Variants in EML5 observed in about 807,000 individuals in gnomAD.
EML5 encodes EMAP like 5.
In EML5, 120 loss-of-function variants were observed where a neutral mutation model predicts 250.0. That is an observed-to-expected ratio of 0.48 (90% CI 0.41 to 0.56). The LOEUF (loss-of-function observed/expected upper bound fraction) is 0.56, where lower values mean the gene tolerates loss of function less well. Ranked by LOEUF, EML5 falls within the 20% of genes least tolerant of loss-of-function variation. EML5 has a pLI of 0.00. For missense variants in EML5, 2,006 were observed against 2,437.6 expected (o/e 0.82, Z 3.73); for synonymous variants, 771 against 806.5 (o/e 0.96, Z 0.75).
chr14:88,694,514 C>T (rs12888683), intron 16 of EML5, 107 bp from the exon 17 acceptor site: 2 of 751,634 alleles, frequency 2.7e-6, no homozygotes, highest in South Asian at 1.9e-5. Flanking sequence ...GAATATTTTA[C>T]TCCCACTTAT....
At chr14:88,648,087 GT>G (rs918614856) in intron 28 of EML5, among the ~76,000 whole-genome samples, 2 of 151,890 alleles carry the variant, frequency 1.3e-5, no homozygotes, top group Admixed American at 6.6e-5. Flanking sequence ...TCTTTAAAAA[GT>G]TTTTTTTCTC....
intron 31 of EML5, among the ~76,000 whole-genome samples, chr14:88,640,346 T>A (rs1292207416): frequency 6.6e-6 from 1 of 152,164 alleles, no homozygotes; most frequent in African/African-American, 2.4e-5. Context: ...TGAAATCATC[T>A]CTGCCATACT....
At chr14:88,637,418 C>T (rs1310198001) in intron 32 of EML5, among the ~76,000 whole-genome samples, 1 of 152,100 alleles carries the variant, frequency 6.6e-6, no homozygotes, top group Non-Finnish European at 1.5e-5. Context: ...GTGACCATGA[C>T]ATTTCTTAAC....
chr14:88,651,226 C>T (rs1194076215), intron 27 of EML5, among the ~76,000 whole-genome samples: 3 of 145,172 alleles, frequency 2.1e-5, no homozygotes, highest in African/African-American at 7.7e-5. Flanking sequence ...AACAGACCCT[C>T]TCTCTCCCTC....
chr14:88,665,707 G>C (rs544784529), intron 21 of EML5, among the ~76,000 whole-genome samples: 1 of 152,124 alleles, frequency 6.6e-6, no homozygotes, highest in Non-Finnish European at 1.5e-5. Flanking sequence ...AAGGAGAAGG[G>C]GCGAGGGGGA....
chr14:88,614,505 C>T lies in EML5; in HGVS notation c.*1313G>A, dbSNP rs753703894. 1.2e-4 allele frequency: 19 copies of T among 152,066 alleles called. No homozygotes were observed. Among genetic ancestry groups the T allele is most frequent in the Non-Finnish European group, 2.2e-4 (15 of 68,018 alleles). The allele number at this position is 152,066 out of a possible 1,614,324, so 9.4% of individuals were successfully genotyped here. A position where few individuals can be genotyped will look rare whatever the true frequency, so the allele number is the denominator to read the frequency against. The stretch of plus-strand genomic sequence containing the variant: ...AAGAATCTTCATATATCCTGTCAGA[C>T]CAAATGGGATTCCAGGAACCTAAAG... On this transcript the variant is annotated 3_prime_UTR_variant, in exon 44 of 44. Coordinates refer to ENST00000554922, the MANE Select transcript of EML5 (RefSeq NM_183387.3).
intron 7 of EML5, among the ~76,000 whole-genome samples, chr14:88,734,659 T>C (rs2093811875): frequency 6.6e-6 from 1 of 152,058 alleles, no homozygotes; most frequent in Non-Finnish European, 1.5e-5. Flanking sequence ...ACACATTACA[T>C]ACCATCAAGC....
intron 33 of EML5, among the ~76,000 whole-genome samples, chr14:88,633,590 A>G (rs2090557057): frequency 6.6e-6 from 1 of 152,156 alleles, no homozygotes; most frequent in South Asian, 2.1e-4. Context: ...TGTGAATTAT[A>G]ATTGTGTTAC....
In EML5 at chr14:88,706,264, G is replaced by A. The variant is rs942771964; in HGVS notation, c.1820C>T (p.Pro607Leu). Residue 607 changes from proline to leucine, a missense_variant, in exon 11 of 44, where the codon CCC becomes CTC. Coordinates refer to ENST00000554922, the MANE Select transcript of EML5 (RefSeq NM_183387.3). ...RKLKDAVHIA[P>L]QESLADSHSD... ...AGCTAATGCATACTACTCACCTTGG[G>A]GTGCTATGTGAACAGCATCTTTCAG... 2 of 1,600,514 alleles carry A rather than the reference G, an allele frequency of 1.2e-6. No homozygotes were observed. Among genetic ancestry groups the A allele is most frequent in the African/African-American group, 1.3e-5 (1 of 74,328 alleles).
In EML5 at chr14:88,614,374, A is replaced by C. The variant is rs2087279344; in HGVS notation, c.*1444T>G. On this transcript the variant is annotated 3_prime_UTR_variant, in exon 44 of 44. Coordinates refer to ENST00000554922, the MANE Select transcript of EML5 (RefSeq NM_183387.3). Reference sequence around the variant, plus strand: ...CAGTCCTTCAGCCACAGCTATTTAGAGCTTTAAAACTACCAGGTTCAATCA... The same window carrying C: ...CAGTCCTTCAGCCACAGCTATTTAGCGCTTTAAAACTACCAGGTTCAATCA... 2 of 152,172 alleles carry C rather than the reference A, an allele frequency of 1.3e-5. No homozygotes were observed. Among genetic ancestry groups the C allele is most frequent in the African/African-American group, 4.8e-5 (2 of 41,444 alleles). 9.4% of individuals were successfully genotyped at this position (152,172 alleles called of 1,614,324 possible).
At chr14:88,788,764 A>G (rs1234419765) in intron 1 of EML5, among the ~76,000 whole-genome samples, 1 of 152,116 alleles carries the variant, frequency 6.6e-6, no homozygotes, top group Admixed American at 6.6e-5. Flanking sequence ...ATTTGAAAAG[A>G]TATTGCACTC....
chr14:88,745,522 T>C (rs1170536868), intron 3 of EML5, among the ~76,000 whole-genome samples: 1 of 152,112 alleles, frequency 6.6e-6, no homozygotes, highest in Non-Finnish European at 1.5e-5. Flanking sequence ...ATGTTAGGTC[T>C]CTAAAAAATG....
intron 18 of EML5, among the ~76,000 whole-genome samples, chr14:88,687,927 G>A (rs2092873892): frequency 6.6e-6 from 1 of 152,066 alleles, no homozygotes; most frequent in Non-Finnish European, 1.5e-5. Context: ...AAAATTAGAT[G>A]GGTGTGGGTG....
At position 88,626,515 on chromosome 14, in the gene EML5, T is replaced by A; in HGVS notation, c.4740+323A>T. 1.1e-5 allele frequency: 3 copies of A among 267,478 alleles called. No homozygotes were observed. In the South Asian group the frequency reaches 1.7e-4, roughly 15 times the overall value. 16.6% of individuals were successfully genotyped at this position (267,478 alleles called of 1,614,324 possible). ...GTTCCTGCCCTGTAGTCCCAGCTAC[T>A]AAGGAGGCTGAGGATCACTTGAACC... On this transcript the variant is annotated intron_variant, in intron 35 of 43. Coordinates refer to ENST00000554922, the MANE Select transcript of EML5 (RefSeq NM_183387.3).
Position 88,792,235 on chromosome 14 carries a change from C to T in EML5, c.197+72G>A. ...TCCGTGCAGGAGCGGTCACGGCGTC[C>T]AGAGGAACCCGCGGGTGCAAACTCC... On this transcript the variant is annotated intron_variant, in intron 1 of 43. Coordinates refer to ENST00000554922, the MANE Select transcript of EML5 (RefSeq NM_183387.3). This position sits in a 1 kb window ranked among gnomAD's most constrained non-coding sequence, Gnocchi z 6.9. The T allele has an allele frequency of 1.3e-6, 2 of 1,516,810 alleles. No homozygotes were observed. Among genetic ancestry groups the T allele is most frequent in the Admixed American group, 2.1e-5 (1 of 48,584 alleles). 94.0% of individuals were successfully genotyped at this position (1,516,810 alleles called of 1,614,324 possible).
chr14:88,665,755 A>G lies in EML5; in HGVS notation c.3125-266T>C, dbSNP rs545004808. 3.9e-5 allele frequency among the ~76,000 whole-genome samples: 6 copies of G among 152,260 alleles called. No individual in the cohort carries two copies. The East Asian group carries it at 9.7e-4, about 25-fold the overall frequency. ...GAAGGGAAGACAGGTAAGTAAGTAA[A>G]TAAATAGACAGGCATGGTGGCACAC... On this transcript the variant is annotated intron_variant, in intron 21 of 43. Transcript: ENST00000554922.
rs1355508733 is a variant in EML5 at position 88,706,400 on chromosome 14, G to A, written c.1684C>T (p.His562Tyr). 1.9e-6 allele frequency: 3 copies of A among 1,581,344 alleles called. No homozygotes were observed. The highest frequency in any genetic ancestry group is 1.2e-5 in the South Asian group (1 of 83,238). ...KGAKFRKYIG[H>Y]SAHVTNVRWS... Reference sequence around the variant, plus strand: ...CTGACATTAGTTACGTGAGCTGAATGGCCAATATATTTTCTAAACTTGGCC... The same window carrying A: ...CTGACATTAGTTACGTGAGCTGAATAGCCAATATATTTTCTAAACTTGGCC... Residue 562 changes from histidine (H) to tyrosine (Y), a missense_variant, in exon 11 of 44, where the codon CAT becomes TAT. Coordinates refer to ENST00000554922, the MANE Select transcript of EML5 (RefSeq NM_183387.3).
intron 30 of EML5, among the ~76,000 whole-genome samples, chr14:88,644,034 C>A (rs1191494781): frequency 6.6e-6 from 1 of 152,140 alleles, no homozygotes; most frequent in Non-Finnish European, 1.5e-5. Context: ...GCTTCATGAA[C>A]CCTGTACAGT....
At chr14:88,673,829 A>C (rs1248440789) in intron 21 of EML5, among the ~76,000 whole-genome samples, 1 of 152,240 alleles carries the variant, frequency 6.6e-6, no homozygotes, top group African/African-American at 2.4e-5. Flanking sequence ...AGGGAAGTGA[A>C]GGACCTCTTC....
Sources: gnomAD v4.1 joint callset for allele counts (sites outside exome capture counted in the v4.1 genomes callset) on GRCh38, gnomAD v4.1.1 for gene constraint, Gnocchi (gnomAD v3.1) non-coding constraint, MANE v1.5 for transcripts, NCBI Gene and HGNC (gene_info 2026-07-23, HGNC 2026-07-21) for gene names.